The following POLE variants were observed in gnomAD, a reference collection of about 807,000 sequenced individuals.
The protein encoded by POLE is DNA polymerase epsilon, catalytic subunit, also known as DNA polymerase epsilon catalytic subunit A.
POLE carries 188 observed loss-of-function variants against 279.2 expected under a neutral mutation model. The ratio of observed to expected loss-of-function variants is 0.67; its 90% CI spans 0.60 to 0.76. The LOEUF is 0.76. POLE is among the 30% of genes least tolerant of loss of function. The probability of loss-of-function intolerance (pLI) is 0.00; values close to 1 mark genes in which losing one functional copy is unlikely to be tolerated. For synonymous variants in POLE, 1,214 were observed against 1,172.5 expected (o/e 1.04, Z -0.72); for missense variants, 2,703 against 3,016.7 (o/e 0.90, Z 2.44).
chr12:132,676,258 T>G, intron 9 of POLE, 54 bp from the exon 10 acceptor site: 2 of 1,222,642 alleles, frequency 1.6e-6, no homozygotes, highest in Admixed American at 1.7e-5. Context: ...AGCCAAGAAA[T>G]GGCGTTCCCA....
intron 40 of POLE, 59 bp from the exon 41 acceptor site, chr12:132,638,198 CA>C: frequency 3.9e-6 from 6 of 1,547,276 alleles, no homozygotes; most frequent in Non-Finnish European, 5.3e-6. Flanking sequence ...AGCCAGAGGG[CA>C]CCCAGAAAAT....
At chr12:132,681,426 C>T in intron 1 of POLE, 147 bp from the exon 2 acceptor site, 3 of 756,930 alleles carry the variant, frequency 4.0e-6, no homozygotes, top group South Asian at 3.8e-5. Context: ...TCACTGCAAG[C>T]TCCGCCTCCC....
intron 23 of POLE, among the ~76,000 whole-genome samples, chr12:132,663,056 A>G (rs868212758): frequency 2.0e-5 from 3 of 152,210 alleles, no homozygotes; most frequent in Admixed American, 6.5e-5. Flanking sequence ...GCCCACCAGC[A>G]AACACAGCCC....
Position 132,632,779 on chromosome 12 carries a change from C to G in POLE, c.6021G>C (p.Val2007=), listed in dbSNP as rs1057522175. 2 of 1,609,646 alleles carry G rather than the reference C, an allele frequency of 1.2e-6. No homozygotes were observed. The highest frequency in any genetic ancestry group is 4.5e-5 in the East Asian group (2 of 44,850). The change falls in exon 44 of 49, where the codon GTG becomes GTC. Residue 2007 remains valine (V), a synonymous_variant. Coordinates refer to ENST00000320574, the MANE Select transcript of POLE (RefSeq NM_006231.4). ...LMIVSAYIVA[V]YHCMKDGLRR... is the part of the protein sequence containing the mutation. ...TCAGCCCGTCCTTCATGCAGTGGTA[C>G]ACGGCCACGATGTACGCTGTGGAGA...
chr12:132,666,938 G>GC (rs1223743585), intron 20 of POLE, among the ~76,000 whole-genome samples: 1 of 152,184 alleles, frequency 6.6e-6, no homozygotes, highest in Non-Finnish European at 1.5e-5. Context: ...ATGCCAGGGG[G>GC]CCGCACAGCA....
chr12:132,626,325 G>C lies in POLE; in HGVS notation c.6331-8C>G. On this transcript the variant is annotated splice_polypyrimidine_tract_variant and splice_region_variant and intron_variant, in intron 45 of 48. Transcript: ENST00000320574. ...GGTGTCCAGGGACAGCACCTGCAGA[G>C]ACCACAGCCCACATCGGGAAGGAGC... The C allele has an allele frequency of 6.2e-7, 1 of 1,613,318 alleles. No homozygotes were observed. Among genetic ancestry groups the C allele is most frequent in the Non-Finnish European group, 8.5e-7 (1 of 1,179,956 alleles).
rs779221257 is a variant in POLE at position 132,634,429 on chromosome 12, G to A, written c.5812-51C>T. 4 of 1,557,864 alleles carry A rather than the reference G, an allele frequency of 2.6e-6. No individual in the cohort carries two copies. The South Asian group carries it at 3.5e-5, about 14-fold the overall frequency. On this transcript the variant is annotated intron_variant, in intron 42 of 48. Transcript: ENST00000320574. The surrounding 1 kb of genome is among the most constrained non-coding windows in gnomAD (Gnocchi z 4.0). ...GTGTTTGCACCATCGCGGCCTGGTAGAGGGGTAGGATGCCACAGCGAAGGC... is the reference window on the plus strand; with the variant it reads ...GTGTTTGCACCATCGCGGCCTGGTAAAGGGGTAGGATGCCACAGCGAAGGC...
rs78440469 is a variant in POLE, at chr12:132,653,627, T to C, written c.3582+3509A>G. On this transcript the variant is annotated intron_variant, in intron 29 of 48. Transcript: ENST00000320574. Reference sequence around the variant, plus strand: ...GTTAACAAATTACATCGCCTGTAAATAATAAGTTGATGTCTCCCTTTTCAA... The same window carrying C: ...GTTAACAAATTACATCGCCTGTAAACAATAAGTTGATGTCTCCCTTTTCAA... Among the ~76,000 whole-genome samples, 1,369 of 152,344 alleles carry C rather than the reference T, an allele frequency of 9.0e-3. 14 individuals are homozygous for C. The highest frequency in any genetic ancestry group is 0.031 in the African/African-American group (1,309 of 41,584).
chr12:132,634,188 G>A lies in POLE; in HGVS notation c.6002C>T (p.Ser2001Leu). 6.2e-7 allele frequency: 1 copy of A among 1,610,712 alleles called. No individual in the cohort carries two copies. Among genetic ancestry groups the A allele is most frequent in the Non-Finnish European group, 8.5e-7 (1 of 1,178,060 alleles). Residue 2001 changes from serine (S) to leucine (L), a missense_variant and splice_region_variant, in exon 43 of 49, where the codon TCA becomes TTA. Ser to Leu is a moderately radical substitution (Grantham distance 145). Coordinates refer to ENST00000320574, the MANE Select transcript of POLE (RefSeq NM_006231.4). This position sits in a 1 kb window ranked among gnomAD's most constrained non-coding sequence, Gnocchi z 4.0. ...SCQNYFLMIV[S>L]AYIVAVYHCM... is the part of the protein sequence containing the mutation. ...GCAGCCCTGGGCTCTGGGCTTACCT[G>A]AAACAATCATGAGGAAGTAGTTCTG...
chr12:132,639,017 A>G lies in POLE; in HGVS notation c.5552+108T>C. The G allele has an allele frequency of 1.1e-6, 1 of 925,654 alleles. No individual in the cohort carries two copies. The allele number at this position is 925,654 out of a possible 1,614,324, so 57.3% of individuals were successfully genotyped here. A position where few individuals can be genotyped will look rare whatever the true frequency, so the allele number is the denominator to read the frequency against. On this transcript the variant is annotated intron_variant, in intron 40 of 48. Transcript: ENST00000320574. This position sits in a 1 kb window ranked among gnomAD's most constrained non-coding sequence, Gnocchi z 4.7. ...TGTTATGCTCCACAAACTCAGAAAT[A>G]CACTACTTATCCCAGAGGCACTGGC... is the stretch of plus-strand genomic sequence containing the variant.
In POLE at chr12:132,668,381, C is replaced by T. The variant is rs115142739; in HGVS notation, c.2148G>A (p.Ala716=). ...AFHELSREEQ[A]KYEKRRLADY... is the part of the protein sequence containing the mutation. ...CCGCCAGCCTTCTCTTCTCGTATTT[C>T]GCCTGTTCCTCGCGGGACAGTTCAT... Residue 716 remains alanine (A), a synonymous_variant, in exon 19 of 49, where the codon GCG becomes GCA. Transcript: ENST00000320574. The surrounding 1 kb of genome is among the most constrained non-coding windows in gnomAD (Gnocchi z 4.0). The T allele has an allele frequency of 1.5e-5, 24 of 1,595,158 alleles. No individual in the cohort carries two copies. The East Asian group carries it at 2.0e-4, about 13-fold the overall frequency.
intron 31 of POLE, 79 bp from the exon 32 acceptor site, chr12:132,649,151 C>T (rs1241746959): frequency 5.2e-6 from 8 of 1,543,470 alleles, no homozygotes; most frequent in African/African-American, 4.1e-5. Context: ...AGGTAGCTTG[C>T]AGCTCCCAGC....
In POLE at chr12:132,670,216, C is replaced by CA. The variant is rs1261951328; in HGVS notation, c.1795-1278dup. Among the ~76,000 whole-genome samples, 613 of 145,298 alleles carry CA rather than the reference C, an allele frequency of 4.2e-3. 5 individuals carry two copies. The highest frequency in any genetic ancestry group is 5.0e-3 in the Non-Finnish European group (328 of 66,016). On this transcript the variant is annotated intron_variant, in intron 16 of 48. Coordinates refer to ENST00000320574, the MANE Select transcript of POLE (RefSeq NM_006231.4). Reference sequence around the variant, plus strand: ...AGAAACCCTGTCTCTACTAAAAATACAAAAAAAAAATTACCCAGGCGTGGT... The same window carrying CA: ...AGAAACCCTGTCTCTACTAAAAATACAAAAAAAAAAATTACCCAGGCGTGGT...
At chr12:132,681,933 C>T (rs879859595) in intron 1 of POLE, among the ~76,000 whole-genome samples, 8 of 152,180 alleles carry the variant, frequency 5.3e-5, no homozygotes, top group African/African-American at 9.7e-5. Context: ...GCCTGTAATC[C>T]CAAAACTTTG....
chr12:132,672,932 A>T (rs1302257153), intron 14 of POLE, 93 bp from the exon 15 acceptor site: 1 of 1,172,542 alleles, frequency 8.5e-7, no homozygotes, highest in Non-Finnish European at 1.2e-6. Flanking sequence ...CTTCAGTGTG[A>T]AAGGAGAGAA....
chr12:132,663,486 G>A (rs1485638564), intron 23 of POLE, among the ~76,000 whole-genome samples: 1 of 152,226 alleles, frequency 6.6e-6, no homozygotes, highest in Non-Finnish European at 1.5e-5. Context: ...GCCAACCATC[G>A]CCTGGCCGGC....
chr12:132,666,073 G>A (rs1415568819), intron 20 of POLE, among the ~76,000 whole-genome samples: 1 of 152,164 alleles, frequency 6.6e-6, no homozygotes, highest in African/African-American at 2.4e-5. Context: ...CTCTACTGCT[G>A]GGTACATATC....
In POLE at chr12:132,661,283, G is replaced by A; in HGVS notation, c.2865-119C>T. On this transcript the variant is annotated intron_variant, in intron 24 of 48. Transcript: ENST00000320574. This position sits in a 1 kb window ranked among gnomAD's most constrained non-coding sequence, Gnocchi z 4.1. ...CCAACCCTCCACCTGTCATCCACGA[G>A]GCAGCAAACGTCTCTCTCCCTTAGG... 2 of 1,039,476 alleles carry A rather than the reference G, an allele frequency of 1.9e-6. No homozygotes were observed. The highest frequency in any genetic ancestry group is 2.8e-6 in the Non-Finnish European group (2 of 714,784). 64.4% of individuals were successfully genotyped at this position (1,039,476 alleles called of 1,614,324 possible). A position where few individuals can be genotyped will look rare whatever the true frequency, so the allele number is the denominator to read the frequency against.
intron 16 of POLE, among the ~76,000 whole-genome samples, chr12:132,669,686 G>A (rs571999503): frequency 3.3e-5 from 5 of 152,254 alleles, no homozygotes; most frequent in South Asian, 2.1e-4. Flanking sequence ...CAGTAACGGC[G>A]TGTTCTGAAA....
Sources: gnomAD v4.1 joint callset for allele counts (sites outside exome capture counted in the v4.1 genomes callset) on GRCh38, gnomAD v4.1.1 for gene constraint, Gnocchi (gnomAD v3.1) non-coding constraint, MANE v1.5 for transcripts, NCBI Gene and HGNC (gene_info 2026-07-23, HGNC 2026-07-21) for gene names.